The following KIF6 variants were observed in gnomAD, a reference collection of about 807,000 sequenced individuals.
The protein encoded by KIF6 is kinesin-like protein KIF6.
Under a neutral mutation model 112.7 loss-of-function variants are expected in KIF6, and 106 were observed. That is an observed-to-expected ratio of 0.94 (90% confidence interval 0.80 to 1.11). The LOEUF (loss-of-function observed/expected upper bound fraction) is 1.11, where lower values mean the gene tolerates loss of function less well. KIF6 is among the 50% of genes least tolerant of loss of function. The pLI is 0.00. For missense variants in KIF6, 929 were observed against 964.0 expected (o/e 0.96, Z 0.48); for synonymous variants, 339 against 339.9 (o/e 1.00, Z 0.03).
At position 39,480,895 on chromosome 6, in the gene KIF6, T is replaced by C. The variant is rs565992000; in HGVS notation, c.1646-49734A>G. On this transcript the variant is annotated intron_variant, in intron 13 of 22. Coordinates refer to ENST00000287152, the MANE Select transcript of KIF6 (RefSeq NM_145027.6). Reference sequence around the variant, plus strand: ...ATCTTTTGTATTTCTGTCATGTCAGTTGTAATATTTCCCATTTCATTTCTA... The same window carrying C: ...ATCTTTTGTATTTCTGTCATGTCAGCTGTAATATTTCCCATTTCATTTCTA... Among the ~76,000 whole-genome samples, 6 of 152,308 alleles carry C rather than the reference T, an allele frequency of 3.9e-5. No individual in the cohort carries two copies. The East Asian group carries it at 9.6e-4, about 24-fold the overall frequency.
intron 6 of KIF6, among the ~76,000 whole-genome samples, chr6:39,598,073 G>A (rs1782370903): frequency 6.6e-6 from 1 of 152,130 alleles, no homozygotes. Flanking sequence ...TGTAATCCCA[G>A]CTACTTGGGA....
At chr6:39,519,529 A>G (rs1158044054) in intron 13 of KIF6, among the ~76,000 whole-genome samples, 2 of 152,144 alleles carry the variant, frequency 1.3e-5, no homozygotes, top group Admixed American at 6.6e-5. Flanking sequence ...AGGTATTCTG[A>G]GGCAAAAGTT....
intron 3 of KIF6, among the ~76,000 whole-genome samples, chr6:39,684,574 C>T (rs567484861): frequency 6.6e-6 from 1 of 150,736 alleles, no homozygotes; most frequent in East Asian, 2.0e-4. Context: ...CGAGATCACG[C>T]CATTGCACTC....
At chr6:39,364,341 G>C (rs984724779) in intron 16 of KIF6, among the ~76,000 whole-genome samples, 6 of 152,016 alleles carry the variant, frequency 3.9e-5, no homozygotes, top group Non-Finnish European at 5.9e-5. Context: ...GGATGGTCTC[G>C]ATCTCTTGAC....
At chr6:39,722,805 T>C (rs1020906480) in intron 1 of KIF6, among the ~76,000 whole-genome samples, 16 of 152,256 alleles carry the variant, frequency 1.1e-4, no homozygotes, top group African/African-American at 3.9e-4. Flanking sequence ...ATTCTCTTTG[T>C]GTGTATGTGT....
intron 10 of KIF6, among the ~76,000 whole-genome samples, chr6:39,558,240 G>A (rs1022941427): frequency 6.6e-6 from 1 of 152,044 alleles, no homozygotes; most frequent in Admixed American, 6.5e-5. Context: ...TTGATTTGTT[G>A]ATATGATCTA....
At chr6:39,414,892 G>GA (rs796782308) in intron 15 of KIF6, among the ~76,000 whole-genome samples, 429 of 147,712 alleles carry the variant, frequency 2.9e-3, no homozygotes, top group African/African-American at 9.4e-3. Flanking sequence ...GCAACTCATT[G>GA]AAAAAAAAAA....
At chr6:39,539,248 G>A (rs1457574506) in intron 13 of KIF6, among the ~76,000 whole-genome samples, 1 of 151,406 alleles carries the variant, frequency 6.6e-6, no homozygotes, top group East Asian at 1.9e-4. Context: ...AAAAAAAGCT[G>A]GAAACAGGAA....
chr6:39,373,939 G>T (rs1581704724), intron 16 of KIF6, among the ~76,000 whole-genome samples: 2 of 152,256 alleles, frequency 1.3e-5, no homozygotes, highest in East Asian at 1.9e-4. Flanking sequence ...TGAGCAAAAG[G>T]AACAGAGCTG....
intron 3 of KIF6, among the ~76,000 whole-genome samples, chr6:39,680,625 T>C (rs1787458005): frequency 6.6e-6 from 1 of 152,152 alleles, no homozygotes; most frequent in South Asian, 2.1e-4. Context: ...AGAGAGAGAA[T>C]GCAGTTTAAC....
intron 14 of KIF6, among the ~76,000 whole-genome samples, chr6:39,423,993 A>T (rs1770578520): frequency 6.6e-6 from 1 of 152,030 alleles, no homozygotes; most frequent in Non-Finnish European, 1.5e-5. Context: ...CCCTGCTCAA[A>T]ACTCCTCAAG....
chr6:39,481,153 G>T (rs958228361), intron 13 of KIF6, among the ~76,000 whole-genome samples: 60 of 152,034 alleles, frequency 3.9e-4, no homozygotes, highest in African/African-American at 1.4e-3. Flanking sequence ...AAAAAATGAA[G>T]AAAGATAAGA....
intron 3 of KIF6, among the ~76,000 whole-genome samples, chr6:39,667,896 G>T (rs570663417): frequency 4.6e-5 from 7 of 152,252 alleles, no homozygotes; most frequent in African/African-American, 1.7e-4. Context: ...CTGGTGGGAG[G>T]TGTTTGGATC....
At chr6:39,557,616 G>A (rs1779775124) in intron 10 of KIF6, among the ~76,000 whole-genome samples, 1 of 151,886 alleles carries the variant, frequency 6.6e-6, no homozygotes, top group Admixed American at 6.6e-5. Context: ...TTGCAGTTTT[G>A]TTTTCCAGAA....
chr6:39,337,149 T>C (rs1274786913), intron 22 of KIF6, among the ~76,000 whole-genome samples: 1 of 95,876 alleles, frequency 1.0e-5, no homozygotes, highest in African/African-American at 5.8e-5. Context: ...CCTTCCTTTC[T>C]CTTTCTTTTC....
chr6:39,451,562 C>T (rs1772702808), intron 13 of KIF6, among the ~76,000 whole-genome samples: 1 of 152,138 alleles, frequency 6.6e-6, no homozygotes, highest in African/African-American at 2.4e-5. Flanking sequence ...TTCCTCTGCT[C>T]CTTGGTTTTC....
chr6:39,520,083 T>C (rs1395665764), intron 13 of KIF6, among the ~76,000 whole-genome samples: 1 of 152,096 alleles, frequency 6.6e-6, no homozygotes, highest in Non-Finnish European at 1.5e-5. Context: ...AGGTCATGCA[T>C]GCTAATGAAT....
chr6:39,414,181 T>C lies in KIF6; in HGVS notation c.1810+5767A>G, dbSNP rs563954329. ...CACATTTTGATTTTCTGGTCCCCGA[T>C]GACTCCTCTGCCTGCCCTTAATCAG... On this transcript the variant is annotated intron_variant, in intron 15 of 22. Transcript: ENST00000287152. 1.5e-3 allele frequency among the ~76,000 whole-genome samples: 226 copies of C among 152,346 alleles called. 1 individual carries two copies. The highest frequency in any genetic ancestry group is 6.8e-3 in the Middle Eastern group (2 of 294).
intron 15 of KIF6, among the ~76,000 whole-genome samples, chr6:39,393,245 T>A (rs945597281): frequency 6.6e-6 from 1 of 152,200 alleles, no homozygotes; most frequent in Non-Finnish European, 1.5e-5. Context: ...CTAAAAGAAC[T>A]CAACTGAGGC....
Sources: gnomAD v4.1 joint callset for allele counts (sites outside exome capture counted in the v4.1 genomes callset) on GRCh38, gnomAD v4.1.1 for gene constraint, MANE v1.5 for transcripts, NCBI Gene and HGNC (gene_info 2026-07-23, HGNC 2026-07-21) for gene names.